TOX: variants seen among roughly 807,000 people sequenced by gnomAD.
TOX encodes thymocyte selection-associated high mobility group box protein TOX.
A neutral mutation model predicts 53.7 loss-of-function variants in TOX; 11 were observed. The ratio of observed to expected loss-of-function variants is 0.20; its 90% confidence interval spans 0.13 to 0.34. TOX has a LOEUF of 0.34. Ranked by LOEUF, TOX falls within the 10% of genes least tolerant of loss-of-function variation. The probability of loss-of-function intolerance (pLI) is 1.00; values close to 1 mark genes in which losing one functional copy is unlikely to be tolerated. For missense variants in TOX, 570 were observed against 664.6 expected (o/e 0.86, Z 1.56); for synonymous variants, 225 against 245.3 (o/e 0.92, Z 0.77).
rs111882948 is a variant in TOX at position 58,955,235 on chromosome 8, T to C, written c.168+4708A>G. ...TGCTGGGGGTCGGGAGAGAGAAAAC[T>C]GCTCACAATCTCAGAATCCTCTAAA... On this transcript the variant is annotated intron_variant, in intron 2 of 8. Coordinates refer to ENST00000361421, the MANE Select transcript of TOX (RefSeq NM_014729.3). 6.8e-3 allele frequency among the ~76,000 whole-genome samples: 1,030 copies of C among 152,248 alleles called. 6 individuals carry two copies. The highest frequency in any genetic ancestry group is 0.024 in the African/African-American group (985 of 41,552).
At chr8:59,011,013 T>C (rs1167514808) in intron 1 of TOX, among the ~76,000 whole-genome samples, 1 of 152,162 alleles carries the variant, frequency 6.6e-6, no homozygotes, top group Non-Finnish European at 1.5e-5. Flanking sequence ...TCAGCACCTC[T>C]GGGAAAAGAA....
chr8:58,904,504 T>C (rs1162997260), intron 3 of TOX, among the ~76,000 whole-genome samples: 3 of 152,178 alleles, frequency 2.0e-5, no homozygotes, highest in African/African-American at 7.2e-5. Flanking sequence ...GGTTGAGCTC[T>C]GGGAATCTCT....
chr8:58,863,723 T>C lies in TOX; in HGVS notation c.412-11918A>G, dbSNP rs964730176. ...ATGCACTAATTTCTTTTGCAGGAAA[T>C]TCAATTAATTTTTTTTTTAACTGAA... On this transcript the variant is annotated intron_variant, in intron 3 of 8. Coordinates refer to ENST00000361421, the MANE Select transcript of TOX (RefSeq NM_014729.3). 4.6e-5 allele frequency among the ~76,000 whole-genome samples: 7 copies of C among 151,058 alleles called. No homozygotes were observed. In the East Asian group the frequency reaches 1.2e-3, roughly 25 times the overall value.
chr8:58,967,137 G>C (rs1165735287), intron 1 of TOX, among the ~76,000 whole-genome samples: 2 of 151,854 alleles, frequency 1.3e-5, no homozygotes, highest in African/African-American at 2.4e-5. Context: ...GCCTCCCAAA[G>C]TGCTGGGATT....
At chr8:59,035,675 A>T (rs1000186249) in intron 1 of TOX, among the ~76,000 whole-genome samples, 3 of 152,266 alleles carry the variant, frequency 2.0e-5, no homozygotes, top group Admixed American at 2.0e-4. Context: ...TTAGTGAAAA[A>T]TATTGTGTGC....
intron 4 of TOX, among the ~76,000 whole-genome samples, chr8:58,840,175 G>C (rs770731940): frequency 1.3e-5 from 2 of 152,142 alleles, no homozygotes; most frequent in Non-Finnish European, 2.9e-5. Context: ...ATAAGCAAAA[G>C]CTAAGTGATT....
At chr8:58,923,061 C>G (rs1025864293) in intron 3 of TOX, among the ~76,000 whole-genome samples, 1 of 152,096 alleles carries the variant, frequency 6.6e-6, no homozygotes, top group Non-Finnish European at 1.5e-5. Flanking sequence ...GGGATCTTGG[C>G]AGAGCCTGAA....
chr8:59,116,618 T>C (rs963196310), intron 1 of TOX, among the ~76,000 whole-genome samples: 16 of 152,198 alleles, frequency 1.1e-4, no homozygotes, highest in Admixed American at 3.9e-4. Context: ...GTGACAAATA[T>C]ATCTGATGGA....
At chr8:58,901,942 A>G (rs556134237) in intron 3 of TOX, among the ~76,000 whole-genome samples, 26 of 152,334 alleles carry the variant, frequency 1.7e-4, no homozygotes, top group African/African-American at 5.8e-4. Context: ...GGAATGCACC[A>G]TGGATATCTT....
intron 1 of TOX, among the ~76,000 whole-genome samples, chr8:59,005,310 T>C (rs1172773082): frequency 6.6e-6 from 1 of 152,178 alleles, no homozygotes; most frequent in Admixed American, 6.5e-5. Flanking sequence ...AGTGCTGGGA[T>C]TACAGGAGTG....
In TOX at chr8:58,939,381, T is replaced by C; in HGVS notation, c.332A>G (p.Gln111Arg). The C allele has an allele frequency of 6.2e-7, 1 of 1,614,112 alleles. No homozygotes were observed. The highest frequency in any genetic ancestry group is 1.3e-5 in the African/African-American group (1 of 75,032). Residue 111 changes from glutamine to arginine, a missense_variant, in exon 3 of 9, where the codon CAA becomes CGA. Around this residue, in one of 3 missense-constraint regions of TOX, gnomAD observed 282 missense variants for 315.0 expected, o/e 0.90. Transcript: ENST00000361421. ...NHNGLLPFHPQNMDLPEITVS... is the reference protein window; with the variant it reads ...NHNGLLPFHPRNMDLPEITVS... ...TGTGATTTCAGGGAGGTCCATGTTT[T>C]GTGGATGAAATGGTAGCAGGCCATT...
At chr8:58,929,748 T>C (rs1812229112) in intron 3 of TOX, among the ~76,000 whole-genome samples, 2 of 152,114 alleles carry the variant, frequency 1.3e-5, no homozygotes, top group Non-Finnish European at 2.9e-5. Flanking sequence ...AGCTGAGATA[T>C]AATCATTTTG....
At position 59,048,282 on chromosome 8, in the gene TOX, A is replaced by T. The variant is rs531504848; in HGVS notation, c.102+70604T>A. 2.0e-5 allele frequency among the ~76,000 whole-genome samples: 3 copies of T among 152,336 alleles called. No homozygotes were observed. The East Asian group carries it at 5.8e-4, about 29-fold the overall frequency. ...TTGACCATTATCTGTAGCAATAACC[A>T]GGAAGCTGCTGGGTTAACCAAACTA... On this transcript the variant is annotated intron_variant, in intron 1 of 8. Transcript: ENST00000361421.
chr8:58,887,648 T>TTGTTCTAGTTCTA (rs1379882216), intron 3 of TOX, among the ~76,000 whole-genome samples: 1 of 152,056 alleles, frequency 6.6e-6, no homozygotes, highest in Non-Finnish European at 1.5e-5. Flanking sequence ...TTTCATTGTA[T>TTGTTCTAGTTCTA]TTTCAAAGAA....
chr8:58,937,544 C>A (rs944279552), intron 3 of TOX, among the ~76,000 whole-genome samples: 2 of 152,156 alleles, frequency 1.3e-5, no homozygotes, highest in Non-Finnish European at 2.9e-5. Context: ...AATCTCTGAG[C>A]CACAGTTACT....
chr8:59,091,102 T>C (rs2129423752), intron 1 of TOX, among the ~76,000 whole-genome samples: 1 of 152,238 alleles, frequency 6.6e-6, no homozygotes, highest in Middle Eastern at 3.4e-3. Context: ...ACTATTGCTC[T>C]CTCTCTTCCC....
chr8:58,944,658 T>G (rs1412800273), intron 2 of TOX, among the ~76,000 whole-genome samples: 1 of 152,198 alleles, frequency 6.6e-6, no homozygotes, highest in Non-Finnish European at 1.5e-5. Context: ...ACCACGGGGT[T>G]CTTATAAGCA....
chr8:58,933,708 A>T (rs1011293742), intron 3 of TOX, among the ~76,000 whole-genome samples: 1 of 152,152 alleles, frequency 6.6e-6, no homozygotes, highest in African/African-American at 2.4e-5. Flanking sequence ...ATTACAGGAA[A>T]ATGCTAGTCC....
At chr8:58,930,503 T>A (rs556312367) in intron 3 of TOX, among the ~76,000 whole-genome samples, 2 of 152,288 alleles carry the variant, frequency 1.3e-5, no homozygotes. Flanking sequence ...TGAGTGTTAA[T>A]GCTGAATGGG....
Sources: allele counts gnomAD v4.1 joint callset (sites outside exome capture counted in the v4.1 genomes callset), GRCh38; gene constraint gnomAD v4.1.1; regional missense constraint gnomAD v4.1.1; transcripts MANE v1.5; gene names NCBI Gene and HGNC (gene_info 2026-07-23, HGNC 2026-07-21).